ARHGEF3: variants seen among roughly 807,000 people sequenced by gnomAD.
ARHGEF3 encodes 59.8 kDA protein.
ARHGEF3 carries 28 observed loss-of-function variants against 63.2 expected under a neutral mutation model. The ratio of observed to expected loss-of-function variants is 0.44; its 90% CI spans 0.33 to 0.61. The LOEUF (loss-of-function observed/expected upper bound fraction) is 0.61, where lower values mean the gene tolerates loss of function less well. ARHGEF3 is among the 20% of genes least tolerant of loss of function. The pLI is 0.03. For missense variants in ARHGEF3, 533 were observed against 659.3 expected, an observed-to-expected ratio of 0.81 and a Z score of 2.10; for synonymous variants, 266 against 254.2, an observed-to-expected ratio of 1.05 and a Z score of -0.44.
chr3:57,024,527 G>A (rs147436526), intron 2 of ARHGEF3, among the ~76,000 whole-genome samples: 21 of 151,894 alleles, frequency 1.4e-4, no homozygotes, highest in East Asian at 1.2e-3. Context: ...TCGCTCTGTC[G>A]CCCAGGCTGG....
At chr3:56,980,505 T>C (rs186492036) in intron 2 of ARHGEF3, among the ~76,000 whole-genome samples, 2 of 152,318 alleles carry the variant, frequency 1.3e-5, no homozygotes, top group East Asian at 1.9e-4. Context: ...GTCGGGACCA[T>C]ATATAGTACC....
intron 2 of ARHGEF3, among the ~76,000 whole-genome samples, chr3:56,771,532 GGGCAATTGGGAGAGGTGGGGACATTTGTA>G (rs1291120667): frequency 6.6e-6 from 1 of 152,200 alleles, no homozygotes; most frequent in Non-Finnish European, 1.5e-5. Flanking sequence ...GGTGTTAGAA[GGGCAATTGGGAGAGGTGGGGACATTTGTA>G]GGTGATGGTT....
intron 2 of ARHGEF3, among the ~76,000 whole-genome samples, chr3:57,015,109 G>A (rs1242259836): frequency 3.3e-5 from 5 of 151,792 alleles, no homozygotes; most frequent in Non-Finnish European, 5.9e-5. Context: ...AAATCCAGCC[G>A]TCTGCCAGTT....
chr3:56,773,135 T>C (rs891875371), intron 2 of ARHGEF3, among the ~76,000 whole-genome samples: 2 of 152,166 alleles, frequency 1.3e-5, no homozygotes, highest in Non-Finnish European at 2.9e-5. Context: ...AAAGCAGCCA[T>C]GGACAATAAA....
chr3:57,018,686 C>A (rs1703122844), intron 2 of ARHGEF3, among the ~76,000 whole-genome samples: 1 of 152,198 alleles, frequency 6.6e-6, no homozygotes, highest in African/African-American at 2.4e-5. Context: ...TATGTCGTGT[C>A]TCACCTTCCC....
chr3:56,900,662 A>C (rs908949384), intron 3 of ARHGEF3, among the ~76,000 whole-genome samples: 2 of 152,150 alleles, frequency 1.3e-5, no homozygotes, highest in Admixed American at 6.5e-5. Context: ...TTAAACCTAG[A>C]TATTTTTCTA....
intron 2 of ARHGEF3, among the ~76,000 whole-genome samples, chr3:56,997,256 C>G (rs1282287524): frequency 2.0e-5 from 3 of 152,100 alleles, no homozygotes; most frequent in Non-Finnish European, 4.4e-5. Context: ...CAGGATGGAC[C>G]ACTCCCCCGG....
chr3:56,776,378 C>T (rs573332483), intron 1 of ARHGEF3, among the ~76,000 whole-genome samples: 1 of 152,280 alleles, frequency 6.6e-6, no homozygotes, highest in South Asian at 2.1e-4. Flanking sequence ...CTGACATTCC[C>T]AAGTAATGAA....
chr3:56,789,335 A>AG (rs1233135191), intron 1 of ARHGEF3, among the ~76,000 whole-genome samples: 2 of 152,190 alleles, frequency 1.3e-5, no homozygotes, highest in Non-Finnish European at 2.9e-5. Flanking sequence ...ACCAGAGTGA[A>AG]GGAAAAAAGG....
chr3:57,014,297 C>T (rs934404217), intron 2 of ARHGEF3, among the ~76,000 whole-genome samples: 27 of 152,332 alleles, frequency 1.8e-4, no homozygotes, highest in South Asian at 4.1e-4. Context: ...CGGCTTCATT[C>T]TTGAAGTCAG....
intron 3 of ARHGEF3, among the ~76,000 whole-genome samples, chr3:56,924,429 A>C (rs2042226641): frequency 6.6e-6 from 1 of 152,216 alleles, no homozygotes; most frequent in African/African-American, 2.4e-5. Context: ...AGACCCCAAG[A>C]TAGGGTTCTG....
chr3:56,848,451 T>C (rs2039562590), intron 4 of ARHGEF3, among the ~76,000 whole-genome samples: 1 of 152,190 alleles, frequency 6.6e-6, no homozygotes, highest in African/African-American at 2.4e-5. Context: ...CCCTCTCCCT[T>C]AGAGGGCTTT....
chr3:56,896,579 G>T (rs2041308002), intron 3 of ARHGEF3, among the ~76,000 whole-genome samples: 1 of 152,138 alleles, frequency 6.6e-6, no homozygotes, highest in Non-Finnish European at 1.5e-5. Flanking sequence ...TGCATTTACT[G>T]TCACGTGTTC....
intron 2 of ARHGEF3, among the ~76,000 whole-genome samples, chr3:56,966,706 T>C (rs992169162): frequency 6.6e-5 from 10 of 151,944 alleles, no homozygotes; most frequent in Non-Finnish European, 1.5e-4. Context: ...AAAGCAGAGA[T>C]AAGCTGGAGG....
At chr3:56,762,076 T>C (rs974830809) in intron 2 of ARHGEF3, among the ~76,000 whole-genome samples, 3 of 152,154 alleles carry the variant, frequency 2.0e-5, no homozygotes, top group Non-Finnish European at 4.4e-5. Flanking sequence ...AACCACCAGA[T>C]GCCAGCAGCA....
chr3:56,937,834 C>A (rs1299269474), intron 3 of ARHGEF3, among the ~76,000 whole-genome samples: 2 of 152,190 alleles, frequency 1.3e-5, no homozygotes, highest in African/African-American at 4.8e-5. Flanking sequence ...TCTCCCCATC[C>A]TCTTTTTAAT....
intron 4 of ARHGEF3, among the ~76,000 whole-genome samples, chr3:56,809,000 T>G (rs12638861): frequency 0.054 from 8,226 of 152,298 alleles, 489 homozygotes; most frequent in East Asian, 0.3. Flanking sequence ...CAAGGGAATC[T>G]GTGGGTATTG....
chr3:56,827,805 G>T (rs960608462), intron 4 of ARHGEF3, among the ~76,000 whole-genome samples: 1 of 140,488 alleles, frequency 7.1e-6, no homozygotes, highest in Non-Finnish European at 1.5e-5. Context: ...AGGCATGGTC[G>T]CACACTCCCG....
chr3:56,788,866 T>C (rs1324646282), intron 1 of ARHGEF3, among the ~76,000 whole-genome samples: 1 of 152,160 alleles, frequency 6.6e-6, no homozygotes, highest in Non-Finnish European at 1.5e-5. Context: ...AGCTTGCCAG[T>C]ATGCTTGGAA....
Sources: gnomAD v4.1 joint callset for allele counts (sites outside exome capture counted in the v4.1 genomes callset) on GRCh38, gnomAD v4.1.1 for gene constraint, MANE v1.5 for transcripts, NCBI Gene and HGNC (gene_info 2026-07-23, HGNC 2026-07-21) for gene names.